Variants in CDH9 observed in about 807,000 individuals in gnomAD.
CDH9 encodes cadherin 9.
In CDH9, 28 loss-of-function variants were observed where a neutral mutation model predicts 70.9. That is an observed-to-expected ratio of 0.40 (90% CI 0.29 to 0.54). The LOEUF is 0.54. CDH9 is among the 20% of genes least tolerant of loss of function. The pLI, the probability that CDH9 is intolerant of heterozygous loss-of-function variation, is 0.59. For synonymous variants in CDH9, 409 were observed against 343.1 expected, an observed-to-expected ratio of 1.19 and a Z score of -2.12; for missense variants, 874 against 984.4, an observed-to-expected ratio of 0.89 and a Z score of 1.50.
chr5:26,930,663 T>A (rs915882189), intron 2 of CDH9, among the ~76,000 whole-genome samples: 2 of 152,132 alleles, frequency 1.3e-5, no homozygotes, highest in African/African-American at 4.8e-5. Flanking sequence ...TACTTCTTTT[T>A]TAACCTGTTA....
At chr5:27,030,227 C>A (rs1338204220) in intron 1 of CDH9, among the ~76,000 whole-genome samples, 2 of 151,920 alleles carry the variant, frequency 1.3e-5, no homozygotes, top group African/African-American at 4.8e-5. Context: ...CTGTAAGGTT[C>A]ATTTCCCGTA....
chr5:26,934,738 G>A (rs1259705111), intron 2 of CDH9, among the ~76,000 whole-genome samples: 1 of 152,128 alleles, frequency 6.6e-6, no homozygotes, highest in Non-Finnish European at 1.5e-5. Flanking sequence ...TAGGCTTACA[G>A]AGAAAATGAA....
rs1742523911 is a variant in CDH9, at chr5:26,988,386, A to G, written c.-49-4T>C. ...TTCAATGTATTGTTTGTTTTTCCTA[A>G]AGAGTAAGGAGAAAAAAAATGGCTG... On this transcript the variant is annotated splice_polypyrimidine_tract_variant and splice_region_variant and intron_variant, in intron 1 of 11. Coordinates refer to ENST00000231021, the MANE Select transcript of CDH9 (RefSeq NM_016279.4). 3 of 1,575,444 alleles carry G rather than the reference A, an allele frequency of 1.9e-6. No homozygotes were observed.
chr5:26,908,823 G>C (rs568110040), intron 3 of CDH9, among the ~76,000 whole-genome samples: 1 of 152,254 alleles, frequency 6.6e-6, no homozygotes, highest in East Asian at 1.9e-4. Flanking sequence ...AACACTGGTA[G>C]TCACTGACAA....
At position 26,888,514 on chromosome 5, in the gene CDH9, G is replaced by A. The variant is rs143291924; in HGVS notation, c.1512+1322C>T. ...TCAAAAAAATCATTTACTAAACTGA[G>A]ATGCCCATTATATGTTGCAAAATGA... On this transcript the variant is annotated intron_variant, in intron 9 of 11. Coordinates refer to ENST00000231021, the MANE Select transcript of CDH9 (RefSeq NM_016279.4). 3.0e-3 allele frequency among the ~76,000 whole-genome samples: 462 copies of A among 152,220 alleles called. 1 individual carries two copies. Among genetic ancestry groups the A allele is most frequent in the Middle Eastern group, 6.8e-3 (2 of 294 alleles).
Position 26,902,748 on chromosome 5 carries a change from A to C in CDH9, c.1000-19T>G. 7.0e-7 allele frequency: 1 copy of C among 1,419,466 alleles called. No homozygotes were observed. Among genetic ancestry groups the C allele is most frequent in the Non-Finnish European group, 9.9e-7 (1 of 1,011,334 alleles). The allele number at this position is 1,419,466 out of a possible 1,614,324, so 87.9% of individuals were successfully genotyped here. A position where few individuals can be genotyped will look rare whatever the true frequency, so the allele number is the denominator to read the frequency against. On this transcript the variant is annotated intron_variant, in intron 6 of 11. Coordinates refer to ENST00000231021, the MANE Select transcript of CDH9 (RefSeq NM_016279.4). ...CTAAATTCTGGAGTTAAATAACATA[A>C]AAGAAATTAGCATAATTCAGAAGAT...
At chr5:26,977,700 A>T (rs1350538356) in intron 2 of CDH9, among the ~76,000 whole-genome samples, 2 of 152,084 alleles carry the variant, frequency 1.3e-5, no homozygotes, top group African/African-American at 4.8e-5. Flanking sequence ...AGAAAGATCC[A>T]GGAATGGAGG....
intron 3 of CDH9, among the ~76,000 whole-genome samples, chr5:26,909,142 C>G (rs1741002981): frequency 6.7e-6 from 1 of 149,406 alleles, no homozygotes; most frequent in African/African-American, 2.4e-5. Context: ...CGCCACCAAG[C>G]CTGGCTAATC....
At chr5:26,918,687 G>A (rs1741191091) in intron 2 of CDH9, among the ~76,000 whole-genome samples, 1 of 152,192 alleles carries the variant, frequency 6.6e-6, no homozygotes, top group Admixed American at 6.5e-5. Flanking sequence ...AAAAAGCTGA[G>A]TAAGAGAGAA....
At chr5:26,904,125 C>T (rs1178634497) in intron 5 of CDH9, among the ~76,000 whole-genome samples, 4 of 151,562 alleles carry the variant, frequency 2.6e-5, no homozygotes, top group South Asian at 2.1e-4. Flanking sequence ...CTTAAAAGAA[C>T]ATGAAAAACA....
At chr5:26,951,500 G>GA (rs1741845539) in intron 2 of CDH9, among the ~76,000 whole-genome samples, 1 of 151,946 alleles carries the variant, frequency 6.6e-6, no homozygotes, top group Non-Finnish European at 1.5e-5. Context: ...ATACTCCCTG[G>GA]AAAACGTCGC....
intron 1 of CDH9, among the ~76,000 whole-genome samples, chr5:27,018,536 T>C (rs1257371978): frequency 6.6e-6 from 1 of 151,922 alleles, no homozygotes; most frequent in Non-Finnish European, 1.5e-5. Context: ...AATCATGTAA[T>C]CATGTAGACA....
chr5:27,002,445 A>T (rs1392976674), intron 1 of CDH9, among the ~76,000 whole-genome samples: 1 of 151,988 alleles, frequency 6.6e-6, no homozygotes, highest in Non-Finnish European at 1.5e-5. Flanking sequence ...AATATAAATC[A>T]TGCTGCTATA....
At chr5:26,973,492 T>C (rs1742255552) in intron 2 of CDH9, among the ~76,000 whole-genome samples, 1 of 152,124 alleles carries the variant, frequency 6.6e-6, no homozygotes, top group African/African-American at 2.4e-5. Context: ...GCACAAGACA[T>C]ATTAATAACT....
At chr5:27,038,179 G>T (rs1743426341) in intron 1 of CDH9, among the ~76,000 whole-genome samples, 1 of 151,826 alleles carries the variant, frequency 6.6e-6, no homozygotes, top group African/African-American at 2.4e-5. Flanking sequence ...TTATTTTTAC[G>T]ACAATATTCC....
chr5:26,941,512 C>A (rs1305999648), intron 2 of CDH9, among the ~76,000 whole-genome samples: 12 of 152,174 alleles, frequency 7.9e-5, no homozygotes, highest in Non-Finnish European at 1.2e-4. Flanking sequence ...AAATATGAAC[C>A]AGACTATTGC....
At chr5:26,912,534 A>G (rs1002451220) in intron 3 of CDH9, among the ~76,000 whole-genome samples, 10 of 151,032 alleles carry the variant, frequency 6.6e-5, no homozygotes, top group African/African-American at 2.4e-4. Flanking sequence ...ATATATAGAT[A>G]TGTATGTATT....
At chr5:27,007,558 T>C (rs1222082670) in intron 1 of CDH9, among the ~76,000 whole-genome samples, 2 of 152,110 alleles carry the variant, frequency 1.3e-5, no homozygotes, top group Admixed American at 6.6e-5. Flanking sequence ...ATGAAACTTT[T>C]TGTCAGCCTG....
At chr5:26,946,457 GA>G (rs144098600) in intron 2 of CDH9, among the ~76,000 whole-genome samples, 2 of 151,464 alleles carry the variant, frequency 1.3e-5, no homozygotes, top group African/African-American at 2.4e-5. Flanking sequence ...CCATTTAGAA[GA>G]AAAAAAAGGA....
Sources: gnomAD v4.1 joint callset for allele counts (sites outside exome capture counted in the v4.1 genomes callset) on GRCh38, gnomAD v4.1.1 for gene constraint, MANE v1.5 for transcripts, NCBI Gene and HGNC (gene_info 2026-07-23, HGNC 2026-07-21) for gene names.